WDPCP: variants seen among roughly 807,000 people sequenced by gnomAD.
WDPCP encodes WD repeat-containing and planar cell polarity effector protein fritz homolog.
A neutral mutation model predicts 93.1 loss-of-function variants in WDPCP; 71 were observed. The observed-to-expected ratio is 0.76, with a 90% CI of 0.63 to 0.93. WDPCP has a LOEUF of 0.93. Ranked by LOEUF, WDPCP falls within the 40% of genes least tolerant of loss-of-function variation. The probability of loss-of-function intolerance (pLI) is 0.00; values close to 1 mark genes in which losing one functional copy is unlikely to be tolerated. For missense variants in WDPCP, 844 were observed against 887.4 expected (o/e 0.95, Z 0.62); for synonymous variants, 315 against 315.0 (o/e 1.00, Z 0.00).
In WDPCP at chr2:63,484,503, A is replaced by C; in HGVS notation, c.384+101T>G. On this transcript the variant is annotated intron_variant, in intron 6 of 17. Coordinates refer to ENST00000272321, the MANE Select transcript of WDPCP (RefSeq NM_015910.7). ...AACTATGAAATAACCACTGCTAAAAAAGTTTTTGTCCATTACCTAACATAA... is the reference window on the plus strand; with the variant it reads ...AACTATGAAATAACCACTGCTAAAACAGTTTTTGTCCATTACCTAACATAA... 4 of 1,366,140 alleles carry C rather than the reference A, an allele frequency of 2.9e-6. No individual in the cohort carries two copies. In the East Asian group the frequency reaches 9.5e-5, roughly 32 times the overall value. The allele number at this position is 1,366,140 out of a possible 1,614,324, so 84.6% of individuals were successfully genotyped here. A position where few individuals can be genotyped will look rare whatever the true frequency, so the allele number is the denominator to read the frequency against.
intron 2 of WDPCP, among the ~76,000 whole-genome samples, chr2:63,762,738 C>T (rs1462815439): frequency 1.3e-5 from 2 of 152,152 alleles, no homozygotes; most frequent in Non-Finnish European, 2.9e-5. Context: ...CATGATAACA[C>T]ATTAATCCAT....
intron 10 of WDPCP, among the ~76,000 whole-genome samples, chr2:63,389,491 T>C (rs1368281851): frequency 2.0e-5 from 3 of 152,042 alleles, no homozygotes; most frequent in Non-Finnish European, 4.4e-5. Flanking sequence ...ACTGCATCCA[T>C]TAACAGGCAA....
intron 6 of WDPCP, among the ~76,000 whole-genome samples, chr2:63,464,483 C>T (rs1699216462): frequency 6.6e-6 from 1 of 151,864 alleles, no homozygotes; most frequent in African/African-American, 2.4e-5. Flanking sequence ...GGTGTTTCCT[C>T]AAAAAATTAA....
intron 3 of WDPCP, among the ~76,000 whole-genome samples, chr2:63,621,021 A>G (rs1052737199): frequency 2.6e-5 from 4 of 152,196 alleles, no homozygotes; most frequent in Admixed American, 6.5e-5. Flanking sequence ...AAGGTCACCA[A>G]CATCAAAGAC....
chr2:63,402,596 G>C (rs1694239410), intron 10 of WDPCP, among the ~76,000 whole-genome samples: 1 of 152,174 alleles, frequency 6.6e-6, no homozygotes, highest in South Asian at 2.1e-4. Context: ...CTGATTATTA[G>C]AGAAGTGCAA....
At chr2:63,813,284 G>A (rs1360438962) in intron 2 of WDPCP, among the ~76,000 whole-genome samples, 1 of 152,182 alleles carries the variant, frequency 6.6e-6, no homozygotes, top group African/African-American at 2.4e-5. Context: ...AGGAAATAAA[G>A]GAGAAGCACA....
At chr2:63,240,199 G>A (rs1679756710) in intron 14 of WDPCP, among the ~76,000 whole-genome samples, 1 of 152,010 alleles carries the variant, frequency 6.6e-6, no homozygotes, top group African/African-American at 2.4e-5. Context: ...GTTTTTTATA[G>A]ACAGGGTCTC....
intron 3 of WDPCP, among the ~76,000 whole-genome samples, chr2:63,629,656 C>T (rs1709844442): frequency 6.6e-6 from 1 of 152,188 alleles, no homozygotes; most frequent in Admixed American, 6.5e-5. Context: ...TCAGTAAAGG[C>T]TTAGTGGAGA....
intron 2 of WDPCP, among the ~76,000 whole-genome samples, chr2:63,732,091 T>C (rs1669568737): frequency 6.6e-6 from 1 of 152,148 alleles, no homozygotes; most frequent in Non-Finnish European, 1.5e-5. Flanking sequence ...CTTTATGGTT[T>C]TATGGTGTGT....
chr2:63,615,364 C>A lies in WDPCP; in HGVS notation n.488+35295G>T, dbSNP rs143251086. Among the ~76,000 whole-genome samples the A allele has an allele frequency of 7.9e-5, 12 of 152,260 alleles. No homozygotes were observed. In the East Asian group the frequency reaches 1.9e-3, roughly 24 times the overall value. ...AGTACCTGGGGCCAGGCATGTCCAC[C>A]GTGCGGGATCTACCTCCCCTTTTTC... On this transcript the variant is annotated intron_variant and non_coding_transcript_variant, in intron 3 of 4. Coordinates refer to the WDPCP transcript ENST00000467687.
chr2:63,287,476 A>G (rs1161514373), intron 13 of WDPCP, among the ~76,000 whole-genome samples: 1 of 152,130 alleles, frequency 6.6e-6, no homozygotes, highest in Non-Finnish European at 1.5e-5. Context: ...ACACTTTCCC[A>G]TTCCTAGTAT....
intron 3 of WDPCP, among the ~76,000 whole-genome samples, chr2:63,625,193 C>G (rs2106634071): frequency 6.6e-6 from 1 of 152,224 alleles, no homozygotes; most frequent in South Asian, 2.1e-4. Context: ...ATAATAAGAG[C>G]TATTTATGAC....
At position 63,145,863 on chromosome 2, in the gene WDPCP, T is replaced by G. The variant is rs142522861; in HGVS notation, c.2190+7051A>C. 7.2e-5 allele frequency among the ~76,000 whole-genome samples: 11 copies of G among 152,324 alleles called. No homozygotes were observed. In the East Asian group the frequency reaches 1.9e-3, roughly 27 times the overall value. ...AGCATGGAATGTTTTTCCATTTGTT[T>G]GTGTCATCTCTGATTTCCTTGAGCA... On this transcript the variant is annotated intron_variant, in intron 17 of 17. Coordinates refer to ENST00000272321, the MANE Select transcript of WDPCP (RefSeq NM_015910.7).
rs116316656 is a variant in WDPCP at position 63,572,146 on chromosome 2, C to T, written c.75+16051G>A. Among the ~76,000 whole-genome samples, 961 of 152,204 alleles carry T rather than the reference C, an allele frequency of 6.3e-3. 12 individuals are homozygous for T. The highest frequency in any genetic ancestry group is 0.023 in the African/African-American group (935 of 41,518). On this transcript the variant is annotated intron_variant, in intron 1 of 17. Coordinates refer to ENST00000272321, the MANE Select transcript of WDPCP (RefSeq NM_015910.7). ...ATATCGTGTATTCCAGTCCCATATC[C>T]CTTAACCCACTGAATACTTTTCCTC...
upstream of WDPCP, among the ~76,000 whole-genome samples, chr2:63,828,002 G>A (rs1671138852): frequency 6.6e-6 from 1 of 152,154 alleles, no homozygotes; most frequent in East Asian, 1.9e-4. Context: ...GTCTGGCACT[G>A]ACAGGCTTTG....
chr2:63,277,057 A>G (rs1575041403), intron 13 of WDPCP, among the ~76,000 whole-genome samples: 1 of 152,308 alleles, frequency 6.6e-6, no homozygotes, highest in South Asian at 2.1e-4. Context: ...GCTAAAAGGA[A>G]TTGGGGTCCT....
At chr2:63,588,075 A>G in intron 1 of WDPCP, 122 bp downstream of exon 1, 1 of 1,245,590 alleles carries the variant, frequency 8.0e-7, no homozygotes, top group Non-Finnish European at 1.1e-6. Context: ...TCCGCTCAGA[A>G]AAGGGACCGG....
intron 1 of WDPCP, among the ~76,000 whole-genome samples, chr2:63,551,091 C>G (rs987843245): frequency 6.6e-6 from 1 of 152,156 alleles, no homozygotes; most frequent in Non-Finnish European, 1.5e-5. Context: ...TCAAAATGAT[C>G]TAAATCTCTT....
At chr2:63,178,573 T>A (rs1673993162) in intron 14 of WDPCP, among the ~76,000 whole-genome samples, 1 of 152,150 alleles carries the variant, frequency 6.6e-6, no homozygotes, top group South Asian at 2.1e-4. Flanking sequence ...ACTTTTGATT[T>A]TAGTTATTTG....
Sources: allele counts gnomAD v4.1 joint callset (sites outside exome capture counted in the v4.1 genomes callset), GRCh38; gene constraint gnomAD v4.1.1; transcripts MANE v1.5; gene names NCBI Gene and HGNC (gene_info 2026-07-23, HGNC 2026-07-21).